The following UGT1A9 variants were observed in gnomAD, a reference collection of about 807,000 sequenced individuals.
The protein encoded by UGT1A9 is UDP glucuronosyltransferase family 1 member A9, also known as UDP-glucuronosyltransferase 1A9.
In UGT1A9, 35 loss-of-function variants were observed where a neutral mutation model predicts 45.0. The observed-to-expected ratio is 0.78, with a 90% CI of 0.59 to 1.03. The LOEUF is 1.03. UGT1A9 is among the 50% of genes least tolerant of loss of function. The pLI is 0.00. For synonymous variants in UGT1A9, 278 were observed against 250.6 expected, an observed-to-expected ratio of 1.11 and a Z score of -1.03; for missense variants, 687 against 666.6, an observed-to-expected ratio of 1.03 and a Z score of -0.34.
At chr2:233,719,091 C>G in intron 1 of UGT1A9, 7 of 1,614,254 alleles carry the variant, frequency 4.3e-6, no homozygotes, top group Middle Eastern at 1.6e-4. Flanking sequence ...GGAATTTGAT[C>G]GCGTTACGCT....
At chr2:233,719,159 T>A (rs28898610) in intron 1 of UGT1A9, 4 of 1,614,122 alleles carry the variant, frequency 2.5e-6, no homozygotes, top group Non-Finnish European at 3.4e-6. Context: ...ATTCTAGAAG[T>A]ATGGCAATTA....
At position 233,679,919 on chromosome 2, in the gene UGT1A9, A is replaced by C. The variant is rs572164677; in HGVS notation, c.855+7130A>C. Among the ~76,000 whole-genome samples, 18 of 152,320 alleles carry C rather than the reference A, an allele frequency of 1.2e-4. No individual in the cohort carries two copies. In the South Asian group the frequency reaches 3.7e-3, roughly 32 times the overall value. ...TAAAGTTGCATTTTCAATATGAGAC[A>C]AAAATGTATTTCACAAAAAGATGCG... On this transcript the variant is annotated intron_variant, in intron 1 of 4. Coordinates refer to ENST00000354728, the MANE Select transcript of UGT1A9 (RefSeq NM_021027.3).
intron 1 of UGT1A9, among the ~76,000 whole-genome samples, chr2:233,700,879 C>CA (rs1321841982): frequency 6.6e-6 from 1 of 152,082 alleles, no homozygotes; most frequent in African/African-American, 2.4e-5. Flanking sequence ...CTCCTCCCCC[C>CA]ACCCCACAAC....
chr2:233,758,064 T>C (rs941779241), intron 1 of UGT1A9, among the ~76,000 whole-genome samples: 1 of 152,184 alleles, frequency 6.6e-6, no homozygotes, highest in African/African-American at 2.4e-5. Context: ...CTAACTTGAC[T>C]TTCTGGGCCT....
chr2:233,727,541 C>A (rs1316411121), intron 1 of UGT1A9, among the ~76,000 whole-genome samples: 2 of 152,166 alleles, frequency 1.3e-5, no homozygotes, highest in Non-Finnish European at 2.9e-5. Context: ...GCGTGTTCCA[C>A]CCGTCACCTG....
Position 233,768,400 on chromosome 2 carries a change from A to T in UGT1A9, c.1256A>T (p.Asp419Val). The change falls in exon 4 of 5, where the codon GAT becomes GTT. Residue 419 changes from aspartate (D) to valine (V), a missense_variant. Transcript: ENST00000354728. ...TLNVLEMTSE[D>V]LENALKAVIN... ...AATGTTCTGGAAATGACTTCTGAAG[A>T]TTTAGAAAATGCTCTAAAAGCAGTC... The T allele has an allele frequency of 6.2e-7, 1 of 1,614,204 alleles. No homozygotes were observed. The highest frequency in any genetic ancestry group is 8.5e-7 in the Non-Finnish European group (1 of 1,180,040).
intron 1 of UGT1A9, chr2:233,753,565 G>GGACC (rs1470283120): frequency 1.3e-5 from 2 of 152,156 alleles, no homozygotes; most frequent in African/African-American, 4.8e-5. Flanking sequence ...CTAGAAGATG[G>GGACC]GACCCTTTGT....
intron 1 of UGT1A9, among the ~76,000 whole-genome samples, chr2:233,757,587 A>G (rs1696672783): frequency 9.1e-6 from 1 of 109,366 alleles, no homozygotes; most frequent in Middle Eastern, 4.5e-3. Context: ...CTATAGTCTA[A>G]TAGCAAGGAC....
chr2:233,682,220 G>A lies in UGT1A9; in HGVS notation c.855+9431G>A, dbSNP rs761343712. The stretch of plus-strand genomic sequence containing the variant: ...GGACCGGGAGTTCATGGTTTTTGCC[G>A]ATGCTCGCTGGACGGCACCATTGCG... On this transcript the variant is annotated intron_variant, in intron 1 of 4. Transcript: ENST00000354728. The A allele has an allele frequency of 2.6e-5, 42 of 1,614,084 alleles. No homozygotes were observed. The South Asian group carries it at 3.3e-4, about 13-fold the overall frequency.
chr2:233,675,644 T>G (rs139206204), intron 1 of UGT1A9, among the ~76,000 whole-genome samples: 12 of 152,286 alleles, frequency 7.9e-5, no homozygotes, highest in African/African-American at 2.2e-4. Flanking sequence ...TTTTCAAAGT[T>G]TTCAAACATA....
At chr2:233,725,215 C>G (rs1487154592) in intron 1 of UGT1A9, among the ~76,000 whole-genome samples, 2 of 85,916 alleles carry the variant, frequency 2.3e-5, no homozygotes, top group African/African-American at 2.0e-4. Context: ...GAGGCAGAGG[C>G]AGAGGAGGCA....
intron 1 of UGT1A9, among the ~76,000 whole-genome samples, chr2:233,709,576 A>C (rs180747204): frequency 4.7e-4 from 71 of 152,336 alleles, no homozygotes; most frequent in Admixed American, 1.4e-3. Context: ...TAAAATTCAA[A>C]AAATATACCA....
intron 1 of UGT1A9, chr2:233,718,659 T>G: frequency 6.5e-7 from 1 of 1,530,752 alleles, no homozygotes; most frequent in Non-Finnish European, 8.8e-7. Flanking sequence ...CGAAAGGCAG[T>G]TATAGATTAA....
intron 1 of UGT1A9, chr2:233,717,750 C>A (rs1480430133): frequency 6.6e-6 from 3 of 456,544 alleles, no homozygotes; most frequent in East Asian, 1.4e-4. Context: ...AGGGTCTCCC[C>A]CTAGAAAGGC....
At chr2:233,764,440 T>C (rs763083993) in intron 1 of UGT1A9, among the ~76,000 whole-genome samples, 3 of 152,220 alleles carry the variant, frequency 2.0e-5, no homozygotes, top group Non-Finnish European at 2.9e-5. Context: ...TGAACTTTTG[T>C]GCCATTTAAA....
At chr2:233,692,272 C>T (rs1301139885) in intron 1 of UGT1A9, 1 of 152,396 alleles carries the variant, frequency 6.6e-6, no homozygotes, top group Non-Finnish European at 1.5e-5. Context: ...TGTACTTTTT[C>T]CTCTGGCTAT....
intron 1 of UGT1A9, among the ~76,000 whole-genome samples, chr2:233,716,742 A>T (rs2076523181): frequency 6.6e-6 from 1 of 152,156 alleles, no homozygotes; most frequent in Non-Finnish European, 1.5e-5. Context: ...GCTCTGTGAG[A>T]TTGGGAGAGG....
chr2:233,729,775 C>G (rs775577941), intron 1 of UGT1A9: 2 of 1,613,826 alleles, frequency 1.2e-6, no homozygotes, highest in East Asian at 2.2e-5. Context: ...CATGCTCTAC[C>G]CTCTGGCCCT....
In UGT1A9 at chr2:233,743,703, C is replaced by T. The variant is rs200396442; in HGVS notation, c.856-23331C>T. 2.1e-4 allele frequency: 292 copies of T among 1,367,370 alleles called. 6 individuals are homozygous for T. Among genetic ancestry groups the T allele is most frequent in the African/African-American group, 1.2e-3 (81 of 67,578 alleles). 84.7% of individuals were successfully genotyped at this position (1,367,370 alleles called of 1,614,324 possible). On this transcript the variant is annotated intron_variant, in intron 1 of 4. Coordinates refer to ENST00000354728, the MANE Select transcript of UGT1A9 (RefSeq NM_021027.3). ...CCGCCTGTGCAGCCGCCCTCCGCCCCCGCCTCGCCATAGCGGTCATAGATA... is the reference window on the plus strand; with the variant it reads ...CCGCCTGTGCAGCCGCCCTCCGCCCTCGCCTCGCCATAGCGGTCATAGATA...
Sources: allele counts gnomAD v4.1 joint callset (sites outside exome capture counted in the v4.1 genomes callset), GRCh38; gene constraint gnomAD v4.1.1; transcripts MANE v1.5; gene names NCBI Gene and HGNC (gene_info 2026-07-23, HGNC 2026-07-21).